The following NCALD variants were observed in gnomAD, a reference collection of about 807,000 sequenced individuals.
NCALD encodes neurocalcin delta, also known as neurocalcin-delta.
A neutral mutation model predicts 18.6 loss-of-function variants in NCALD; 10 were observed. That is an observed-to-expected ratio of 0.54 (90% CI 0.33 to 0.91). The LOEUF (loss-of-function observed/expected upper bound fraction) is 0.91. NCALD is among the 40% of genes least tolerant of loss of function. NCALD has a pLI of 0.03. For missense variants in NCALD, 184 were observed against 247.6 expected (o/e 0.74, Z 1.72); for synonymous variants, 88 against 87.4 (o/e 1.01, Z -0.04).
chr8:101,888,395 T>A (rs7817479), intron 3 of NCALD, among the ~76,000 whole-genome samples: 12,978 of 151,542 alleles, frequency 0.086, 1,779 homozygotes, highest in African/African-American at 0.29. Flanking sequence ...GGACTTTCTT[T>A]TTTATTTATT....
chr8:101,855,533 A>G (rs117212205), intron 4 of NCALD, among the ~76,000 whole-genome samples: 31 of 152,298 alleles, frequency 2.0e-4, no homozygotes, highest in South Asian at 1.0e-3. Context: ...TTAGAGCAGC[A>G]TAATATAGTC....
chr8:101,828,133 C>T (rs890195731), intron 4 of NCALD, among the ~76,000 whole-genome samples: 2 of 152,238 alleles, frequency 1.3e-5, no homozygotes, highest in African/African-American at 4.8e-5. Flanking sequence ...TTACAGCTCT[C>T]TACTTCTGCA....
Position 101,904,768 on chromosome 8 carries a change from G to A in NCALD, c.-107+11041C>T, listed in dbSNP as rs535226271. ...CCAGACCTCTCTCTGCTTCCTGCAA[G>A]GTGCCTACTGATTTCCAGGTTGCCA... On this transcript the variant is annotated intron_variant, in intron 3 of 6. Coordinates refer to the NCALD transcript ENST00000311028. Among the ~76,000 whole-genome samples, 23 of 152,238 alleles carry A rather than the reference G, an allele frequency of 1.5e-4. 1 individual carries two copies. In the East Asian group the frequency reaches 3.1e-3, roughly 20 times the overall value.
intron 1 of NCALD, among the ~76,000 whole-genome samples, chr8:102,071,145 A>G (rs1563592029): frequency 1.3e-5 from 2 of 152,126 alleles, no homozygotes; most frequent in Non-Finnish European, 2.9e-5. Context: ...AGTCTTATAA[A>G]AGAACGCAAT....
chr8:102,049,949 T>C (rs370695622), intron 1 of NCALD, among the ~76,000 whole-genome samples: 1 of 150,312 alleles, frequency 6.7e-6, no homozygotes, highest in Admixed American at 6.6e-5. Flanking sequence ...GATCATGAGG[T>C]CAGGAGATCG....
intron 1 of NCALD, among the ~76,000 whole-genome samples, chr8:102,065,152 T>C (rs1400271077): frequency 2.0e-5 from 3 of 151,830 alleles, no homozygotes; most frequent in South Asian, 2.1e-4. Context: ...GTTGGAGAGA[T>C]GTTCTCCAGG....
At chr8:102,011,720 C>T (rs1821909515) in intron 2 of NCALD, among the ~76,000 whole-genome samples, 1 of 152,044 alleles carries the variant, frequency 6.6e-6, no homozygotes, top group Non-Finnish European at 1.5e-5. Context: ...GGGACTGCTA[C>T]CTAAAAATCA....
chr8:101,791,980 TTC>T (rs1202460739), upstream of NCALD, among the ~76,000 whole-genome samples: 7 of 152,194 alleles, frequency 4.6e-5, no homozygotes, highest in African/African-American at 4.8e-5. Context: ...TCCCAGTTAA[TTC>T]TCTTTCTTAA....
Position 101,956,585 on chromosome 8 carries a change from G to A in NCALD, c.-156-40727C>T, listed in dbSNP as rs542728703. Among the ~76,000 whole-genome samples the A allele has an allele frequency of 1.5e-4, 23 of 152,222 alleles. 1 individual carries two copies. The South Asian group carries it at 4.2e-3, about 27-fold the overall frequency. On this transcript the variant is annotated intron_variant, in intron 2 of 6. Coordinates refer to the NCALD transcript ENST00000311028. ...GTTAGGGGAGAGAGAAAGAGGGATA[G>A]GGAGAGGGAGGTGGAGAGAGAGAGA...
chr8:101,994,967 C>A (rs141074618), intron 2 of NCALD, among the ~76,000 whole-genome samples: 3 of 152,302 alleles, frequency 2.0e-5, no homozygotes, highest in African/African-American at 7.2e-5. Flanking sequence ...GAGGATCAAA[C>A]AATGTATGGC....
intron 3 of NCALD, among the ~76,000 whole-genome samples, chr8:101,889,945 G>A (rs1226617046): frequency 6.6e-6 from 1 of 152,212 alleles, no homozygotes; most frequent in Non-Finnish European, 1.5e-5. Context: ...ACATCCTTCT[G>A]ATCTTTAAAT....
chr8:102,059,709 G>T (rs1823773473), intron 1 of NCALD, among the ~76,000 whole-genome samples: 1 of 152,234 alleles, frequency 6.6e-6, no homozygotes, highest in Non-Finnish European at 1.5e-5. Context: ...TGCTAAATTT[G>T]TTAACTATTA....
intron 1 of NCALD, among the ~76,000 whole-genome samples, chr8:102,076,698 T>C (rs1339625959): frequency 2.8e-5 from 4 of 144,652 alleles, no homozygotes; most frequent in Non-Finnish European, 4.6e-5. Context: ...TCTGGCTGCA[T>C]CTTTAACCAT....
rs979244510 is a variant in NCALD, at chr8:101,997,870, T to C, written c.-157+22367A>G. On this transcript the variant is annotated intron_variant, in intron 2 of 6. Transcript: ENST00000311028. The stretch of plus-strand genomic sequence containing the variant: ...GATGTTTTTCCCAGAAACATGCCTT[T>C]CTACCACTGGGTCATCTGAGTCTAT... 7.9e-5 allele frequency among the ~76,000 whole-genome samples: 12 copies of C among 152,234 alleles called. 1 individual carries two copies. The highest frequency in any genetic ancestry group is 7.2e-4 in the Admixed American group (11 of 15,286).
chr8:101,729,155 C>T (rs546468600), intron 1 of NCALD, among the ~76,000 whole-genome samples: 15 of 152,226 alleles, frequency 9.9e-5, no homozygotes, highest in African/African-American at 2.2e-4. Flanking sequence ...AATAAAAACC[C>T]GAAGAGCACA....
At chr8:101,767,706 A>G (rs1811409379) in intron 1 of NCALD, among the ~76,000 whole-genome samples, 1 of 152,236 alleles carries the variant, frequency 6.6e-6, no homozygotes, top group Non-Finnish European at 1.5e-5. Context: ...ACAAGTTCTT[A>G]GACTTTGCAT....
chr8:101,882,785 T>A (rs947127953), intron 4 of NCALD, among the ~76,000 whole-genome samples: 3 of 152,238 alleles, frequency 2.0e-5, no homozygotes, highest in Non-Finnish European at 4.4e-5. Flanking sequence ...AGTAATACTC[T>A]CTATGTAGCT....
intron 2 of NCALD, among the ~76,000 whole-genome samples, chr8:101,987,746 G>A (rs190978715): frequency 6.6e-6 from 1 of 151,976 alleles, no homozygotes; most frequent in African/African-American, 2.4e-5. Flanking sequence ...GTCAAAACAC[G>A]CCTTTTCCAT....
intron 2 of NCALD, among the ~76,000 whole-genome samples, chr8:101,978,880 G>A (rs1483426589): frequency 6.6e-6 from 1 of 152,230 alleles, no homozygotes; most frequent in Non-Finnish European, 1.5e-5. Flanking sequence ...ATAAAAATCA[G>A]TGTTGGGTAA....
Sources: allele counts gnomAD v4.1 joint callset (sites outside exome capture counted in the v4.1 genomes callset), GRCh38; gene constraint gnomAD v4.1.1; transcripts MANE v1.5; gene names NCBI Gene and HGNC (gene_info 2026-07-23, HGNC 2026-07-21).